Variants in NMI observed in about 807,000 individuals in gnomAD.
The protein encoded by NMI is N-myc and STAT interactor.
A neutral mutation model predicts 34.3 loss-of-function variants in NMI; 39 were observed. The ratio of observed to expected loss-of-function variants is 1.14; its 90% CI spans 0.88 to 1.49. The LOEUF (loss-of-function observed/expected upper bound fraction) is 1.49. NMI is among the 40% of genes most tolerant of loss of function. NMI has a pLI of 0.00. For missense variants in NMI, 339 were observed against 358.1 expected, an observed-to-expected ratio of 0.95 and a Z score of 0.43; for synonymous variants, 113 against 120.3, an observed-to-expected ratio of 0.94 and a Z score of 0.40.
rs180771990 is a variant in NMI at position 151,286,165 on chromosome 2, A to G, written c.-6-3211T>C. Among the ~76,000 whole-genome samples the G allele has an allele frequency of 5.3e-5, 8 of 152,348 alleles. No individual in the cohort carries two copies. In the East Asian group the frequency reaches 1.5e-3, roughly 29 times the overall value. On this transcript the variant is annotated intron_variant, in intron 1 of 7. Coordinates refer to ENST00000243346, the MANE Select transcript of NMI (RefSeq NM_004688.3). ...TGAGATAATCAAAGTAAATAATGGA[A>G]TAAATCAAAATAATGTAACATATTA... is the stretch of plus-strand genomic sequence containing the variant.
chr2:151,273,659 A>G (rs1683227349), intron 6 of NMI, among the ~76,000 whole-genome samples: 1 of 152,122 alleles, frequency 6.6e-6, no homozygotes, highest in Non-Finnish European at 1.5e-5. Flanking sequence ...AGTAGTTGGG[A>G]CTATAGGCGT....
intron 6 of NMI, among the ~76,000 whole-genome samples, chr2:151,273,269 C>G (rs1483397854): frequency 6.6e-6 from 1 of 152,056 alleles, no homozygotes; most frequent in African/African-American, 2.4e-5. Context: ...CAGTACCTAC[C>G]CTGTAGATTA....
intron 6 of NMI, among the ~76,000 whole-genome samples, chr2:151,273,600 G>T (rs1224051253): frequency 6.6e-6 from 1 of 152,158 alleles, no homozygotes; most frequent in Non-Finnish European, 1.5e-5. Flanking sequence ...TCAGCTCCCT[G>T]CAACCTCCAC....
chr2:151,277,523 C>A (rs2105205763), intron 4 of NMI: 1 of 152,340 alleles, frequency 6.6e-6, no homozygotes, highest in African/African-American at 2.4e-5. Context: ...GATGTAGGTG[C>A]TTTTAGAGAA....
intron 6 of NMI, among the ~76,000 whole-genome samples, 184 bp downstream of exon 6, chr2:151,275,300 T>C (rs1683271011): frequency 6.6e-6 from 1 of 152,174 alleles, no homozygotes; most frequent in South Asian, 2.1e-4. Context: ...AGCAATATTA[T>C]CTTTCCTAGT....
At chr2:151,270,946 C>A in intron 7 of NMI, 71 bp from the exon 8 acceptor site, 1 of 1,141,282 alleles carries the variant, frequency 8.8e-7, no homozygotes, top group Non-Finnish European at 1.3e-6. Flanking sequence ...CATTCATAAT[C>A]TCTGCTTAAT....
intron 2 of NMI, 171 bp downstream of exon 2, chr2:151,282,686 GAATAAAAATAT>G: frequency 2.5e-6 from 1 of 393,296 alleles, no homozygotes; most frequent in Non-Finnish European, 4.5e-6. Flanking sequence ...ATAAGAGAAA[GAATAAAAATAT>G]GACACTTCTT....
At chr2:151,276,219 A>AT (rs1361005086) in intron 4 of NMI, among the ~76,000 whole-genome samples, 7 of 151,896 alleles carry the variant, frequency 4.6e-5, no homozygotes, top group South Asian at 2.1e-4. Context: ...CGCCTAGCTA[A>AT]TTTTTTTAAC....
intron 2 of NMI, among the ~76,000 whole-genome samples, chr2:151,282,560 G>A (rs56358898): frequency 3.3e-3 from 503 of 152,246 alleles, no homozygotes; most frequent in Admixed American, 5.3e-3. Context: ...AAGCTACCTG[G>A]GCCTCCGTTC....
Position 151,282,046 on chromosome 2 carries a change from TA to T in NMI, c.82-4del. The T allele has an allele frequency of 8.0e-7, 1 of 1,254,822 alleles. No homozygotes were observed. The highest frequency in any genetic ancestry group is 1.2e-5 in the South Asian group (1 of 80,512). The allele number at this position is 1,254,822 out of a possible 1,614,324, so 77.7% of individuals were successfully genotyped here. A position where few individuals can be genotyped will look rare whatever the true frequency, so the allele number is the denominator to read the frequency against. On this transcript the variant is annotated splice_region_variant and splice_polypyrimidine_tract_variant and intron_variant, in intron 2 of 7. Coordinates refer to ENST00000243346, the MANE Select transcript of NMI (RefSeq NM_004688.3). ...TTTGTAATTTCATCAATTAGTCCCT[TA>T]AAAATATCAAATGGTACCAAAGAAA... is the stretch of plus-strand genomic sequence containing the variant.
intron 1 of NMI, among the ~76,000 whole-genome samples, chr2:151,287,995 C>G (rs1321175152): frequency 6.6e-6 from 1 of 152,146 alleles, no homozygotes; most frequent in Non-Finnish European, 1.5e-5. Flanking sequence ...AATAAAGGCT[C>G]TCAGCATAAA....
rs201267697 is a variant in NMI at position 151,281,958 on chromosome 2, T to A, written c.167A>T (p.Lys56Ile). The change falls in exon 3 of 8, where the codon AAA becomes ATA. Residue 56 changes from lysine to isoleucine, a missense_variant. By Grantham distance (102) the Lys-to-Ile change is moderately radical. Transcript: ENST00000243346. ...TAATTAAGAGAGTACCTGGAATTCT[T>A]TGGTAGCCTCTTGTAACTCCGTTTC... ...KLETELQEATKEFQIKEDIPE... is the reference protein window; with the variant it reads ...KLETELQEATIEFQIKEDIPE... 6.5e-5 allele frequency: 99 copies of A among 1,514,434 alleles called. 1 individual carries two copies. In the Middle Eastern group the frequency reaches 1.5e-3, roughly 23 times the overall value. The allele number at this position is 1,514,434 out of a possible 1,614,324, so 93.8% of individuals were successfully genotyped here. A position where few individuals can be genotyped will look rare whatever the true frequency, so the allele number is the denominator to read the frequency against.
In NMI at chr2:151,270,847, A is replaced by G. The variant is rs780315335; in HGVS notation, c.770T>C (p.Val257Ala). The change falls in exon 8 of 8, where the codon GTG becomes GCG. Residue 257 changes from valine to alanine, a missense_variant. Coordinates refer to ENST00000243346, the MANE Select transcript of NMI (RefSeq NM_004688.3). ...QIFSGTSKRTVLLTGMEGIQM... is the reference protein window; with the variant it reads ...QIFSGTSKRTALLTGMEGIQM... ...AATGCCTTCCATTCCTGTCAGAAGCACTGTCCTCTTAGATGTTCCTGAAAA... is the reference window on the plus strand; with the variant it reads ...AATGCCTTCCATTCCTGTCAGAAGCGCTGTCCTCTTAGATGTTCCTGAAAA... 10 of 1,613,716 alleles carry G rather than the reference A, an allele frequency of 6.2e-6. No individual in the cohort carries two copies. The South Asian group carries it at 9.9e-5, about 16-fold the overall frequency.
chr2:151,287,677 C>T (rs541468210), intron 1 of NMI, among the ~76,000 whole-genome samples: 1 of 152,216 alleles, frequency 6.6e-6, no homozygotes, highest in East Asian at 1.9e-4. Flanking sequence ...CCTTTATCTC[C>T]TTTGCGGCGC....
At chr2:151,284,888 CA>C (rs1683468156) in intron 1 of NMI, among the ~76,000 whole-genome samples, 1 of 152,084 alleles carries the variant, frequency 6.6e-6, no homozygotes, top group Admixed American at 6.5e-5. Context: ...AGAAGACTAG[CA>C]AAAACTTAGC....
chr2:151,288,630 T>C (rs1267710075), intron 1 of NMI, among the ~76,000 whole-genome samples: 1 of 152,168 alleles, frequency 6.6e-6, no homozygotes, highest in Non-Finnish European at 1.5e-5. Context: ...ACTAAAGCCA[T>C]GTAATTTGTT....
intron 1 of NMI, among the ~76,000 whole-genome samples, chr2:151,284,496 G>A (rs913118739): frequency 1.3e-5 from 2 of 151,834 alleles, no homozygotes; most frequent in Non-Finnish European, 2.9e-5. Context: ...ATGTGTTTTC[G>A]CCAAGTTGCC....
At chr2:151,276,189 A>G (rs1683290662) in intron 4 of NMI, among the ~76,000 whole-genome samples, 1 of 152,058 alleles carries the variant, frequency 6.6e-6, no homozygotes, top group African/African-American at 2.4e-5. Flanking sequence ...AATAGCTATG[A>G]TTACAGGTGC....
chr2:151,276,456 A>T (rs186782315), intron 4 of NMI, among the ~76,000 whole-genome samples: 73 of 152,326 alleles, frequency 4.8e-4, no homozygotes, highest in African/African-American at 1.7e-3. Flanking sequence ...CTTTTCTCTT[A>T]TCTCTTAAGA....
Sources: allele counts gnomAD v4.1 joint callset (sites outside exome capture counted in the v4.1 genomes callset), GRCh38; gene constraint gnomAD v4.1.1; transcripts MANE v1.5; gene names NCBI Gene and HGNC (gene_info 2026-07-23, HGNC 2026-07-21).